Variants in MED26 observed in about 807,000 individuals in gnomAD.
MED26 encodes the protein mediator complex subunit 26.
A neutral mutation model predicts 43.7 loss-of-function variants in MED26; 7 were observed. That is an observed-to-expected ratio of 0.16 (90% CI 0.09 to 0.30). The LOEUF (loss-of-function observed/expected upper bound fraction) is 0.30. MED26 is among the 10% of genes least tolerant of loss of function. The pLI is 1.00. For missense variants in MED26, 784 were observed against 840.6 expected (o/e 0.93, Z 0.83); for synonymous variants, 375 against 371.1 (o/e 1.01, Z -0.12).
chr19:16,579,122 A>AATG (rs2086030174), intron 1 of MED26, among the ~76,000 whole-genome samples: 1 of 152,106 alleles, frequency 6.6e-6, no homozygotes, highest in Non-Finnish European at 1.5e-5. Context: ...TAATAATAAT[A>AATG]ATGATAAACC....
chr19:16,613,636 C>A (rs917887451), intron 1 of MED26, among the ~76,000 whole-genome samples: 1 of 152,204 alleles, frequency 6.6e-6, no homozygotes, highest in African/African-American at 2.4e-5. Context: ...CAGAAGGAGT[C>A]GGGCTCACAG....
intron 1 of MED26, among the ~76,000 whole-genome samples, chr19:16,621,257 C>A (rs1220857691): frequency 2.6e-5 from 4 of 152,242 alleles, no homozygotes; most frequent in African/African-American, 7.2e-5. Flanking sequence ...TCTCTCCTAG[C>A]CCCTAAAATG....
chr19:16,626,209 G>A (rs2086273957), intron 1 of MED26, among the ~76,000 whole-genome samples: 2 of 152,146 alleles, frequency 1.3e-5, no homozygotes, highest in Non-Finnish European at 2.9e-5. Context: ...AAGGATCAGT[G>A]CTAATATCTC....
At chr19:16,606,303 C>A (rs890141806) in intron 1 of MED26, among the ~76,000 whole-genome samples, 3 of 152,194 alleles carry the variant, frequency 2.0e-5, no homozygotes, top group African/African-American at 4.8e-5. Context: ...GTAATCCCAG[C>A]ACTTTGGGAG....
chr19:16,609,187 C>A (rs1163382207), intron 1 of MED26, among the ~76,000 whole-genome samples: 1 of 151,828 alleles, frequency 6.6e-6, no homozygotes, highest in Non-Finnish European at 1.5e-5. Flanking sequence ...TGGTGGTGCA[C>A]ACCTATAGTC....
chr19:16,600,288 G>C (rs181423676), intron 1 of MED26, among the ~76,000 whole-genome samples: 2 of 152,154 alleles, frequency 1.3e-5, no homozygotes, highest in African/African-American at 4.8e-5. Flanking sequence ...GAGGAAAGGA[G>C]AGCAGATACC....
intron 1 of MED26, among the ~76,000 whole-genome samples, chr19:16,613,063 C>T (rs948086125): frequency 6.6e-6 from 1 of 152,082 alleles, no homozygotes; most frequent in African/African-American, 2.4e-5. Context: ...CTTTCAGGCA[C>T]TGTTTACCTT....
chr19:16,616,530 A>G (rs796547582), intron 1 of MED26, among the ~76,000 whole-genome samples: 3 of 152,220 alleles, frequency 2.0e-5, no homozygotes, highest in East Asian at 3.9e-4. Flanking sequence ...GCTTGCAGGA[A>G]GAAGGACTCC....
At chr19:16,607,735 T>G (rs1216085628) in intron 1 of MED26, among the ~76,000 whole-genome samples, 2 of 152,196 alleles carry the variant, frequency 1.3e-5, no homozygotes, top group Non-Finnish European at 2.9e-5. Flanking sequence ...ATGAGATTTT[T>G]TTTTAAGCTC....
rs572559777 is a variant in MED26, at chr19:16,584,296, C to G, written c.73-5887G>C. Among the ~76,000 whole-genome samples the G allele has an allele frequency of 8.6e-4, 121 of 139,968 alleles. 3 individuals carry two copies. The highest frequency in any genetic ancestry group is 8.2e-3 in the East Asian group (42 of 5,096). The allele number at this position is 139,968 out of a possible 152,430, so 91.8% of individuals were successfully genotyped here. ...AAAAAAACCGAAACCCAAACACTGCCCCCCCCCGCCCCGCCAAAAAAAAAC... is the reference window on the plus strand; with the variant it reads ...AAAAAAACCGAAACCCAAACACTGCGCCCCCCCGCCCCGCCAAAAAAAAAC... On this transcript the variant is annotated intron_variant, in intron 1 of 2. Transcript: ENST00000263390.
intron 1 of MED26, among the ~76,000 whole-genome samples, chr19:16,608,298 G>A (rs2086183414): frequency 6.6e-6 from 1 of 152,238 alleles, no homozygotes; most frequent in Non-Finnish European, 1.5e-5. Flanking sequence ...TAAGAACAAA[G>A]GAGGAAGTTT....
chr19:16,593,446 T>G (rs2086107110), intron 1 of MED26, among the ~76,000 whole-genome samples: 1 of 152,358 alleles, frequency 6.6e-6, no homozygotes, highest in East Asian at 1.9e-4. Flanking sequence ...AGCCTCCACC[T>G]GCAGGTCTGC....
chr19:16,583,518 G>T (rs892947135), intron 1 of MED26, among the ~76,000 whole-genome samples: 6 of 152,100 alleles, frequency 3.9e-5, no homozygotes, highest in African/African-American at 1.4e-4. Flanking sequence ...GGGGGTGGGG[G>T]GTGTCGACAG....
Position 16,576,112 on chromosome 19 carries a change from C to G in MED26, c.1718G>C (p.Trp573Ser). ...CGATATGCACTGCGTCCAGTCATAC[C>G]AGTTACCCTGTGTGTCCTGACACCC... ...VNGCQDTQGN[W>S]YDWTQCISLD... The change falls in exon 3 of 3, where the codon TGG becomes TCG. Residue 573 changes from tryptophan (W) to serine (S), a missense_variant. Coordinates refer to ENST00000263390, the MANE Select transcript of MED26 (RefSeq NM_004831.5). The surrounding 1 kb of genome is among the most constrained non-coding windows in gnomAD (Gnocchi z 6.8). 1 of 1,614,020 alleles carries G rather than the reference C, an allele frequency of 6.2e-7. No individual in the cohort carries two copies. The highest frequency in any genetic ancestry group is 8.5e-7 in the Non-Finnish European group (1 of 1,180,020).
chr19:16,598,473 C>A (rs1384953453), intron 1 of MED26, among the ~76,000 whole-genome samples: 1 of 152,066 alleles, frequency 6.6e-6, no homozygotes, highest in Non-Finnish European at 1.5e-5. Context: ...GATGGTGATG[C>A]CCTGGCCTGC....
chr19:16,595,092 C>A (rs1011907438), intron 1 of MED26, among the ~76,000 whole-genome samples: 5 of 152,154 alleles, frequency 3.3e-5, no homozygotes, highest in Admixed American at 1.3e-4. Flanking sequence ...TCCCTCACTG[C>A]GGATTCACAC....
chr19:16,607,678 G>A (rs190198209), intron 1 of MED26, among the ~76,000 whole-genome samples: 6 of 152,274 alleles, frequency 3.9e-5, no homozygotes, highest in Middle Eastern at 6.8e-3. Flanking sequence ...CATGGCCCTC[G>A]GGCCACATGC....
chr19:16,598,457 C>T (rs1462531734), intron 1 of MED26, among the ~76,000 whole-genome samples: 5 of 151,868 alleles, frequency 3.3e-5, no homozygotes, highest in African/African-American at 1.2e-4. Flanking sequence ...TGGGTTCTGG[C>T]GACATGATGG....
chr19:16,608,701 T>TCACGC (rs2086185213), intron 1 of MED26, among the ~76,000 whole-genome samples: 2 of 152,368 alleles, frequency 1.3e-5, no homozygotes, highest in South Asian at 4.1e-4. Flanking sequence ...TGGAACACAG[T>TCACGC]CACGCTCATT....
Sources: gnomAD v4.1 joint callset for allele counts (sites outside exome capture counted in the v4.1 genomes callset) on GRCh38, gnomAD v4.1.1 for gene constraint, Gnocchi (gnomAD v3.1) non-coding constraint, MANE v1.5 for transcripts, NCBI Gene and HGNC (gene_info 2026-07-23, HGNC 2026-07-21) for gene names.